Variants in NUBPL observed in about 807,000 individuals in gnomAD.
NUBPL encodes NUBP iron-sulfur cluster assembly factor, mitochondrial.
In NUBPL, 31 loss-of-function variants were observed where a neutral mutation model predicts 45.7. That is an observed-to-expected ratio of 0.68 (90% CI 0.51 to 0.92). The LOEUF is 0.92. Among genes scored for constraint, NUBPL ranks in the 40% least tolerant of loss-of-function variants. The pLI is 0.00. For synonymous variants in NUBPL, 144 were observed against 140.9 expected, an observed-to-expected ratio of 1.02 and a Z score of -0.15; for missense variants, 401 against 398.7, an observed-to-expected ratio of 1.01 and a Z score of -0.05.
rs563093063 is a variant in NUBPL, at chr14:31,617,544, T to C, written c.382+18165T>C. 5.1e-3 allele frequency among the ~76,000 whole-genome samples: 782 copies of C among 152,314 alleles called. 10 individuals carry two copies. The highest frequency in any genetic ancestry group is 0.018 in the African/African-American group (738 of 41,556). On this transcript the variant is annotated intron_variant, in intron 4 of 10. Coordinates refer to ENST00000281081, the MANE Select transcript of NUBPL (RefSeq NM_025152.3). ...ATCTATTGAGATAATCGTGTGGTTTTTGTCATTGGTTCTGTTTATGTGTTG... is the reference window on the plus strand; with the variant it reads ...ATCTATTGAGATAATCGTGTGGTTTCTGTCATTGGTTCTGTTTATGTGTTG...
chr14:31,641,799 A>G (rs1396108806), intron 4 of NUBPL, among the ~76,000 whole-genome samples: 1 of 152,048 alleles, frequency 6.6e-6, no homozygotes, highest in African/African-American at 2.4e-5. Flanking sequence ...TCCTACCAAC[A>G]CTGTAGGAGG....
chr14:31,644,884 T>G (rs1595425801), intron 4 of NUBPL, among the ~76,000 whole-genome samples: 1 of 152,076 alleles, frequency 6.6e-6, no homozygotes, highest in African/African-American at 2.4e-5. Flanking sequence ...ATTGACCCCT[T>G]TATTATTATT....
chr14:31,603,659 G>A (rs1215718144), intron 4 of NUBPL, among the ~76,000 whole-genome samples: 1 of 152,178 alleles, frequency 6.6e-6, no homozygotes, highest in Non-Finnish European at 1.5e-5. Context: ...TTATGAGACA[G>A]TAAAGATTCT....
At chr14:31,702,867 A>T (rs1486933030) in intron 6 of NUBPL, among the ~76,000 whole-genome samples, 2 of 152,214 alleles carry the variant, frequency 1.3e-5, no homozygotes, top group Non-Finnish European at 2.9e-5. Flanking sequence ...CTAAACCTAA[A>T]CATTTCTTCC....
At chr14:31,856,711 G>T (rs553672202) in intron 10 of NUBPL, among the ~76,000 whole-genome samples, 29 of 152,302 alleles carry the variant, frequency 1.9e-4, no homozygotes, top group Non-Finnish European at 4.0e-4. Flanking sequence ...AATCTGGTGG[G>T]ACAGTCAAAG....
intron 6 of NUBPL, among the ~76,000 whole-genome samples, chr14:31,721,304 C>T (rs892478468): frequency 1.3e-5 from 2 of 151,886 alleles, no homozygotes; most frequent in African/African-American, 4.8e-5. Context: ...AACATAAGGC[C>T]AACATTTACT....
At chr14:31,667,302 T>A (rs1490216528) in intron 4 of NUBPL, among the ~76,000 whole-genome samples, 10 of 152,000 alleles carry the variant, frequency 6.6e-5, no homozygotes, top group Admixed American at 6.6e-4. Context: ...ATTAAGTTGA[T>A]CTTCAATCTC....
At chr14:31,682,991 G>C (rs2036866062) in intron 6 of NUBPL, among the ~76,000 whole-genome samples, 1 of 149,886 alleles carries the variant, frequency 6.7e-6, no homozygotes. Flanking sequence ...GAGAGAGGAA[G>C]TGAGGCGGGG....
intron 4 of NUBPL, among the ~76,000 whole-genome samples, chr14:31,603,916 AG>A (rs1391178705): frequency 1.3e-5 from 2 of 152,280 alleles, no homozygotes; most frequent in African/African-American, 4.8e-5. Context: ...TTTAAATGAT[AG>A]ATTCATTATG....
intron 6 of NUBPL, among the ~76,000 whole-genome samples, chr14:31,675,136 CAA>C (rs373044954): frequency 1.2e-4 from 13 of 111,898 alleles, no homozygotes; most frequent in Admixed American, 2.9e-4. Context: ...GACTCCGTCT[CAA>C]AAAAAAAAAA....
At chr14:31,635,881 G>T (rs965689010) in intron 4 of NUBPL, among the ~76,000 whole-genome samples, 2 of 152,088 alleles carry the variant, frequency 1.3e-5, no homozygotes, top group Non-Finnish European at 2.9e-5. Flanking sequence ...TCATGATTTG[G>T]CTCTCTGTTT....
At chr14:31,748,304 T>C (rs947095529) in intron 6 of NUBPL, among the ~76,000 whole-genome samples, 10 of 152,202 alleles carry the variant, frequency 6.6e-5, no homozygotes, top group African/African-American at 2.4e-4. Flanking sequence ...CTGTTAATGT[T>C]TGTTAGGTCC....
intron 4 of NUBPL, among the ~76,000 whole-genome samples, chr14:31,649,529 CT>C (rs1417549248): frequency 6.6e-6 from 1 of 152,000 alleles, no homozygotes; most frequent in Non-Finnish European, 1.5e-5. Context: ...GTGAAATGAA[CT>C]TTTAAGTTTT....
intron 4 of NUBPL, among the ~76,000 whole-genome samples, chr14:31,660,531 T>C (rs1401027442): frequency 6.6e-6 from 1 of 152,174 alleles, no homozygotes; most frequent in Non-Finnish European, 1.5e-5. Context: ...TTCTTCAAGA[T>C]ACGAATACAG....
At chr14:31,827,365 A>AG in intron 8 of NUBPL, among the ~76,000 whole-genome samples, 1 of 151,676 alleles carries the variant, frequency 6.6e-6, no homozygotes, top group East Asian at 1.9e-4. Flanking sequence ...AAAAAAAAAA[A>AG]CTGGATGCTC....
At chr14:31,741,702 A>G (rs754505698) in intron 6 of NUBPL, among the ~76,000 whole-genome samples, 7 of 151,854 alleles carry the variant, frequency 4.6e-5, no homozygotes, top group Non-Finnish European at 1.0e-4. Flanking sequence ...GCCTCCATCA[A>G]TTTGTCATTT....
At chr14:31,784,950 A>G (rs569138362) in intron 6 of NUBPL, among the ~76,000 whole-genome samples, 1 of 152,280 alleles carries the variant, frequency 6.6e-6, no homozygotes, top group Non-Finnish European at 1.5e-5. Flanking sequence ...TGTAGCAAAT[A>G]TATTCCTATT....
In NUBPL at chr14:31,846,677, C is replaced by G. The variant is rs1434857091; in HGVS notation, c.814+86C>G. ...TTGATGATTAAGAGTGTCTCAGAGG[C>G]CGGGCACGGAGTCTCACACCTGTAA... On this transcript the variant is annotated intron_variant, in intron 9 of 10. Transcript: ENST00000281081. 19 of 1,573,708 alleles carry G rather than the reference C, an allele frequency of 1.2e-5. No individual in the cohort carries two copies. In the East Asian group the frequency reaches 4.2e-4, roughly 35 times the overall value.
rs772818148 is a variant in NUBPL at position 31,781,520 on chromosome 14, A to C, written c.514-6260A>C. Among the ~76,000 whole-genome samples the C allele has an allele frequency of 2.6e-4, 40 of 152,336 alleles. 1 individual carries two copies. Among genetic ancestry groups the C allele is most frequent in the Middle Eastern group, 6.8e-3 (2 of 294 alleles). On this transcript the variant is annotated intron_variant, in intron 6 of 10. Coordinates refer to ENST00000281081, the MANE Select transcript of NUBPL (RefSeq NM_025152.3). Reference sequence around the variant, plus strand: ...CAGGAAGAAATGGGGCAGAAAGAGAAACTTATTTGTAATTCAGAGAATGGC... The same window carrying C: ...CAGGAAGAAATGGGGCAGAAAGAGACACTTATTTGTAATTCAGAGAATGGC...
Sources: gnomAD v4.1 joint callset for allele counts (sites outside exome capture counted in the v4.1 genomes callset) on GRCh38, gnomAD v4.1.1 for gene constraint, MANE v1.5 for transcripts, NCBI Gene and HGNC (gene_info 2026-07-23, HGNC 2026-07-21) for gene names.